Variants in TCEA1 observed in about 807,000 individuals in gnomAD.
TCEA1 encodes transcription elongation factor A protein 1.
TCEA1 carries 21 observed loss-of-function variants against 43.8 expected under a neutral mutation model. The observed-to-expected ratio is 0.48, with a 90% CI of 0.34 to 0.69. The LOEUF (loss-of-function observed/expected upper bound fraction) is 0.69. Among genes scored for constraint, TCEA1 ranks in the 30% least tolerant of loss-of-function variants. The pLI is 0.01. For synonymous variants in TCEA1, 104 were observed against 117.5 expected (o/e 0.88, Z 0.75); for missense variants, 250 against 365.1 (o/e 0.68, Z 2.57).
chr8:53,969,115 C>T (rs1157846479), intron 9 of TCEA1, among the ~76,000 whole-genome samples: 32 of 152,100 alleles, frequency 2.1e-4, no homozygotes, highest in Admixed American at 1.9e-3. Flanking sequence ...CATGGTGAAA[C>T]GCCATCTCTA....
intron 7 of TCEA1, among the ~76,000 whole-genome samples, chr8:53,981,432 A>T (rs923088701): frequency 2.0e-5 from 3 of 152,176 alleles, no homozygotes; most frequent in Non-Finnish European, 4.4e-5. Context: ...ATGCTCATTT[A>T]CCATTTGGAA....
Position 54,022,055 on chromosome 8 carries a change from G to A in TCEA1, c.63+8C>T, listed in dbSNP as rs1318208618. ...TCCCTCCCGGCCCGCGCCGCTCGCC[G>A]CGCTCACCGCGTTCTTCTTCTGCAC... On this transcript the variant is annotated splice_region_variant and intron_variant, in intron 1 of 9. Transcript: ENST00000521604. 6.6e-7 allele frequency: 1 copy of A among 1,503,896 alleles called. No individual in the cohort carries two copies. The highest frequency in any genetic ancestry group is 2.5e-4 in the Middle Eastern group (1 of 4,074). 93.2% of individuals were successfully genotyped at this position (1,503,896 alleles called of 1,614,324 possible).
intron 8 of TCEA1, among the ~76,000 whole-genome samples, chr8:53,976,440 G>A (rs752215265): frequency 6.6e-6 from 1 of 152,086 alleles, no homozygotes; most frequent in Admixed American, 6.6e-5. Flanking sequence ...ATCTCCTCTT[G>A]GGTACGTAGT....
At chr8:54,021,497 C>T (rs1212372428) in intron 1 of TCEA1, 1 of 152,192 alleles carries the variant, frequency 6.6e-6, no homozygotes, top group East Asian at 1.9e-4. Context: ...AAACGTTTAG[C>T]AACTCGCCAA....
At chr8:53,988,649 C>T (rs1732228519) in intron 4 of TCEA1, among the ~76,000 whole-genome samples, 1 of 152,064 alleles carries the variant, frequency 6.6e-6, no homozygotes, top group African/African-American at 2.4e-5. Context: ...CGGAGTCTTG[C>T]TCTGTCACCC....
chr8:53,989,848 C>T (rs141931082), intron 4 of TCEA1, among the ~76,000 whole-genome samples: 1 of 152,138 alleles, frequency 6.6e-6, no homozygotes, highest in Non-Finnish European at 1.5e-5. Context: ...ACAGCTCATG[C>T]AGCTTTGAAC....
At chr8:53,991,836 A>G (rs1325840666) in intron 4 of TCEA1, among the ~76,000 whole-genome samples, 5 of 151,406 alleles carry the variant, frequency 3.3e-5, no homozygotes, top group African/African-American at 1.2e-4. Flanking sequence ...GTTTAAGCCT[A>G]CCTTTGACTT....
intron 3 of TCEA1, among the ~76,000 whole-genome samples, chr8:53,999,241 A>G (rs955608315): frequency 5.3e-5 from 8 of 150,948 alleles, no homozygotes; most frequent in African/African-American, 1.9e-4. Flanking sequence ...AAAAAAAAAA[A>G]AAAAAGAAAG....
intron 2 of TCEA1, among the ~76,000 whole-genome samples, chr8:54,008,689 A>G (rs1233719937): frequency 6.6e-6 from 1 of 151,798 alleles, no homozygotes; most frequent in Non-Finnish European, 1.5e-5. Flanking sequence ...GTGGGCAAAG[A>G]ACATGAATAG....
intron 2 of TCEA1, chr8:54,002,874 CAGAA>C (rs1370327181): frequency 1.5e-5 from 7 of 456,022 alleles, no homozygotes; most frequent in South Asian, 7.7e-5. Flanking sequence ...ATCAGGTATA[CAGAA>C]AGAAAGACAT....
intron 8 of TCEA1, among the ~76,000 whole-genome samples, chr8:53,978,333 TGCTTTCCATGGTTTC>T (rs1399654186): frequency 1.3e-5 from 2 of 152,248 alleles, no homozygotes; most frequent in African/African-American, 2.4e-5. Context: ...TCCATGGTTT[TGCTTTCCATGGTTTC>T]AGTTATCTAT....
intron 2 of TCEA1, among the ~76,000 whole-genome samples, chr8:54,005,786 T>A (rs1171662030): frequency 1.3e-5 from 2 of 152,140 alleles, no homozygotes; most frequent in Non-Finnish European, 2.9e-5. Context: ...GGCTCCAGCT[T>A]CCCATTTCCT....
At chr8:54,020,651 G>C (rs1327244105) in intron 1 of TCEA1, among the ~76,000 whole-genome samples, 2 of 152,162 alleles carry the variant, frequency 1.3e-5, no homozygotes, top group Non-Finnish European at 1.5e-5. Context: ...ATCTCTCTCA[G>C]TGTCTTAATC....
chr8:53,972,680 T>C, intron 8 of TCEA1: 1 of 632,322 alleles, frequency 1.6e-6, no homozygotes, highest in Non-Finnish European at 3.1e-6. Context: ...AGCTATTAAG[T>C]GTTCCTGAAG....
intron 8 of TCEA1, among the ~76,000 whole-genome samples, chr8:53,978,249 TAA>T (rs1263252167): frequency 2.3e-4 from 35 of 152,180 alleles, no homozygotes; most frequent in African/African-American, 8.4e-4. Flanking sequence ...AAAATAATAA[TAA>T]TTTTTTTTAA....
chr8:53,994,618 C>T (rs529751333), intron 3 of TCEA1, among the ~76,000 whole-genome samples: 1 of 152,208 alleles, frequency 6.6e-6, no homozygotes, highest in South Asian at 2.1e-4. Context: ...CCTGCAATCC[C>T]AGCACTTTGG....
At chr8:53,980,547 A>G (rs1028756175) in intron 7 of TCEA1, among the ~76,000 whole-genome samples, 3 of 152,172 alleles carry the variant, frequency 2.0e-5, no homozygotes, top group Admixed American at 2.0e-4. Context: ...GTAATCTGTG[A>G]TCAGTAATTT....
intron 2 of TCEA1, among the ~76,000 whole-genome samples, chr8:54,007,195 G>A (rs912664790): frequency 6.6e-6 from 1 of 152,054 alleles, no homozygotes; most frequent in African/African-American, 2.4e-5. Context: ...TAGCAGTCTG[G>A]TGAAGCTTAT....
At position 54,016,831 on chromosome 8, in the gene TCEA1, G is replaced by A. The variant is rs140602860; in HGVS notation, c.63+5232C>T. Among the ~76,000 whole-genome samples the A allele has an allele frequency of 3.8e-3, 574 of 151,800 alleles. 2 individuals are homozygous for A. Among genetic ancestry groups the A allele is most frequent in the Non-Finnish European group, 5.9e-3 (403 of 67,940 alleles). On this transcript the variant is annotated intron_variant, in intron 1 of 9. Coordinates refer to ENST00000521604, the MANE Select transcript of TCEA1 (RefSeq NM_006756.4). ...TCTACTAAAAATACAAAAATTAGCC[G>A]GGTGTGGTGGTGCGCGCCTATAGTC...
Sources: allele counts gnomAD v4.1 joint callset (sites outside exome capture counted in the v4.1 genomes callset), GRCh38; gene constraint gnomAD v4.1.1; transcripts MANE v1.5; gene names NCBI Gene and HGNC (gene_info 2026-07-23, HGNC 2026-07-21).